PDE1A: variants seen among roughly 807,000 people sequenced by gnomAD.
The protein encoded by PDE1A is dual specificity calcium/calmodulin-dependent 3',5'-cyclic nucleotide phosphodiesterase 1A.
In PDE1A, 35 loss-of-function variants were observed where a neutral mutation model predicts 61.7. The observed-to-expected ratio is 0.57, with a 90% CI of 0.43 to 0.75. PDE1A has a LOEUF of 0.75. PDE1A is among the 30% of genes least tolerant of loss of function. The pLI is 0.00. For missense variants in PDE1A, 597 were observed against 630.6 expected (o/e 0.95, Z 0.57); for synonymous variants, 232 against 213.2 (o/e 1.09, Z -0.77).
chr2:182,226,794 A>G (rs1389107150), intron 6 of PDE1A, among the ~76,000 whole-genome samples: 1 of 145,788 alleles, frequency 6.9e-6, no homozygotes, highest in Non-Finnish European at 1.5e-5. Context: ...TTTAGGTTGT[A>G]TTTTGTCTGC....
the PDE1A span, among the ~76,000 whole-genome samples, chr2:182,541,946 G>A: frequency 6.6e-6 from 1 of 152,072 alleles, no homozygotes; most frequent in Admixed American, 6.6e-5. Context: ...TTAAGGAGAG[G>A]CCCGAATATT....
intron 1 of PDE1A, among the ~76,000 whole-genome samples, chr2:182,338,233 G>T (rs1697965790): frequency 6.6e-6 from 1 of 152,134 alleles, no homozygotes. Flanking sequence ...CTAACACCCA[G>T]TAACTGTTTG....
chr2:182,232,275 G>T (rs1199275234), intron 4 of PDE1A, among the ~76,000 whole-genome samples: 1 of 152,146 alleles, frequency 6.6e-6, no homozygotes, highest in Non-Finnish European at 1.5e-5. Flanking sequence ...AAGCACTGTA[G>T]TCCATTCTAA....
intron 10 of PDE1A, among the ~76,000 whole-genome samples, chr2:182,201,193 A>G (rs1176149256): frequency 6.6e-6 from 1 of 152,116 alleles, no homozygotes; most frequent in East Asian, 1.9e-4. Context: ...AGCTGCTTTT[A>G]TTTTTCTTTC....
the PDE1A span, among the ~76,000 whole-genome samples, chr2:182,631,254 G>C: frequency 6.6e-6 from 1 of 151,310 alleles, no homozygotes; most frequent in Non-Finnish European, 1.5e-5. Flanking sequence ...TTCAGGCAAA[G>C]GAAGGGTGAC....
At chr2:182,538,936 A>C in the PDE1A span, among the ~76,000 whole-genome samples, 3 of 152,340 alleles carry the variant, frequency 2.0e-5, no homozygotes, top group Non-Finnish European at 2.9e-5. Context: ...TCCATACCTA[A>C]GATTATGTCA....
At chr2:182,202,606 A>G (rs1299919464) in intron 8 of PDE1A, among the ~76,000 whole-genome samples, 1 of 152,014 alleles carries the variant, frequency 6.6e-6, no homozygotes, top group African/African-American at 2.4e-5. Context: ...CACATGGACC[A>G]CTCCTCTGTG....
intron 13 of PDE1A, among the ~76,000 whole-genome samples, chr2:182,149,276 A>C (rs1382488508): frequency 6.6e-6 from 1 of 152,220 alleles, no homozygotes; most frequent in African/African-American, 2.4e-5. Flanking sequence ...CAAATTATTT[A>C]TCTTATTTCT....
At chr2:182,546,305 G>A in the PDE1A span, among the ~76,000 whole-genome samples, 2 of 152,104 alleles carry the variant, frequency 1.3e-5, no homozygotes, top group African/African-American at 2.4e-5. Context: ...AAAGGAGAAG[G>A]TAGCAAAGTT....
chr2:182,250,780 G>A (rs901295031), intron 2 of PDE1A, among the ~76,000 whole-genome samples: 3 of 152,118 alleles, frequency 2.0e-5, no homozygotes, highest in East Asian at 3.9e-4. Flanking sequence ...GGATAATGTT[G>A]AAGTTAGATG....
chr2:182,643,524 A>G, the PDE1A span, among the ~76,000 whole-genome samples: 2 of 152,048 alleles, frequency 1.3e-5, no homozygotes, highest in Admixed American at 1.3e-4. Context: ...TTTCTTCCCA[A>G]TATGTTTGCT....
the PDE1A span, among the ~76,000 whole-genome samples, chr2:182,580,761 C>T: frequency 6.6e-6 from 1 of 152,102 alleles, no homozygotes; most frequent in African/African-American, 2.4e-5. Context: ...TAAAGGTGCA[C>T]TTCCTTTTAA....
intron 13 of PDE1A, among the ~76,000 whole-genome samples, chr2:182,183,815 T>TA (rs931796232): frequency 6.6e-6 from 1 of 151,368 alleles, no homozygotes; most frequent in East Asian, 1.9e-4. Context: ...ATAGACATTA[T>TA]AAAAAAGAAC....
At chr2:182,203,343 A>G (rs1160022629) in intron 8 of PDE1A, among the ~76,000 whole-genome samples, 1 of 152,156 alleles carries the variant, frequency 6.6e-6, no homozygotes, top group Non-Finnish European at 1.5e-5. Flanking sequence ...ACAAAACTAC[A>G]TATTGATGGT....
intron 1 of PDE1A, among the ~76,000 whole-genome samples, chr2:182,405,263 C>G (rs1026514760): frequency 2.6e-5 from 4 of 152,138 alleles, no homozygotes; most frequent in African/African-American, 9.7e-5. Context: ...CAAAGGAAAT[C>G]AAAGATTTAA....
At chr2:182,344,077 G>T (rs1405276890) in intron 1 of PDE1A, among the ~76,000 whole-genome samples, 1 of 152,016 alleles carries the variant, frequency 6.6e-6, no homozygotes, top group East Asian at 1.9e-4. Flanking sequence ...TCATTATGTT[G>T]CCCAGGTTGG....
intron 1 of PDE1A, among the ~76,000 whole-genome samples, chr2:182,409,455 C>T (rs137967621): frequency 1.4e-3 from 216 of 152,274 alleles, no homozygotes; most frequent in African/African-American, 5.0e-3. Flanking sequence ...ATTGGAGATA[C>T]GATATGTACA....
At chr2:182,565,396 CTGAT>C in the PDE1A span, among the ~76,000 whole-genome samples, 1 of 152,120 alleles carries the variant, frequency 6.6e-6, no homozygotes, top group Non-Finnish European at 1.5e-5. Flanking sequence ...ATGCTGCTGT[CTGAT>C]TGTTCCTCTG....
chr2:182,535,511 AT>A, the PDE1A span, among the ~76,000 whole-genome samples: 1 of 151,988 alleles, frequency 6.6e-6, no homozygotes, highest in Admixed American at 6.5e-5. Flanking sequence ...AACTAGTGGT[AT>A]TTTTATATTA....
Sources: gnomAD v4.1 joint callset for allele counts (sites outside exome capture counted in the v4.1 genomes callset) on GRCh38, gnomAD v4.1.1 for gene constraint, MANE v1.5 for transcripts, NCBI Gene and HGNC (gene_info 2026-07-23, HGNC 2026-07-21) for gene names.